Variants in BICC1 observed in about 807,000 individuals in gnomAD.
BICC1 encodes protein bicaudal C homolog 1.
Under a neutral mutation model 111.0 loss-of-function variants are expected in BICC1, and 43 were observed. The ratio of observed to expected loss-of-function variants is 0.39; its 90% confidence interval spans 0.30 to 0.50. BICC1 has a LOEUF of 0.50. Ranked by LOEUF, BICC1 falls within the 20% of genes least tolerant of loss-of-function variation. The pLI, the probability that BICC1 is intolerant of heterozygous loss-of-function variation, is 0.88. For synonymous variants in BICC1, 467 were observed against 434.4 expected, an observed-to-expected ratio of 1.07 and a Z score of -0.93; for missense variants, 1,091 against 1,203.2, an observed-to-expected ratio of 0.91 and a Z score of 1.38.
chr10:58,515,949 G>C (rs1231429931), intron 1 of BICC1, among the ~76,000 whole-genome samples: 2 of 152,138 alleles, frequency 1.3e-5, no homozygotes, highest in Non-Finnish European at 2.9e-5. Flanking sequence ...TTAATAAATA[G>C]TTGGGGAACA....
At chr10:58,660,495 A>G (rs562826311) in intron 2 of BICC1, among the ~76,000 whole-genome samples, 1 of 152,250 alleles carries the variant, frequency 6.6e-6, no homozygotes, top group East Asian at 1.9e-4. Context: ...TAAAAAAAAA[A>G]AAGAGTTCAT....
intron 3 of BICC1, among the ~76,000 whole-genome samples, chr10:58,771,122 T>G (rs1255688002): frequency 6.6e-6 from 1 of 152,178 alleles, no homozygotes; most frequent in African/African-American, 2.4e-5. Context: ...GTTGCCTGAC[T>G]TAGAGTGAGT....
At chr10:58,729,391 T>C (rs912408685) in intron 3 of BICC1, among the ~76,000 whole-genome samples, 17 of 152,352 alleles carry the variant, frequency 1.1e-4, no homozygotes, top group African/African-American at 4.1e-4. Flanking sequence ...CTCCAACTTT[T>C]CTTCTTTAGC....
intron 2 of BICC1, chr10:58,650,512 G>A (rs1174504530): frequency 6.6e-6 from 1 of 152,134 alleles, no homozygotes; most frequent in Non-Finnish European, 1.5e-5. Context: ...TCAACTGTTT[G>A]GACTATGTGA....
At chr10:58,586,573 C>T (rs1465476901) in intron 1 of BICC1, among the ~76,000 whole-genome samples, 3 of 150,614 alleles carry the variant, frequency 2.0e-5, no homozygotes, top group South Asian at 2.1e-4. Context: ...GGAGATTGTG[C>T]CACTACCCTC....
At chr10:58,704,276 G>A (rs1341498909) in intron 3 of BICC1, among the ~76,000 whole-genome samples, 1 of 152,144 alleles carries the variant, frequency 6.6e-6, no homozygotes, top group Non-Finnish European at 1.5e-5. Flanking sequence ...TTTATGAAGT[G>A]TTATGGATGT....
chr10:58,638,726 G>A (rs901364856), intron 2 of BICC1, among the ~76,000 whole-genome samples: 3 of 152,214 alleles, frequency 2.0e-5, no homozygotes, highest in African/African-American at 7.2e-5. Context: ...CCAATGAGGA[G>A]AAAGCAGGCA....
chr10:58,688,856 A>C (rs1839829814), intron 2 of BICC1, among the ~76,000 whole-genome samples: 1 of 152,112 alleles, frequency 6.6e-6, no homozygotes, highest in Non-Finnish European at 1.5e-5. Context: ...AGGGAGGAGA[A>C]CATCACACAC....
intron 1 of BICC1, among the ~76,000 whole-genome samples, chr10:58,602,665 A>G (rs932502883): frequency 1.3e-5 from 2 of 152,204 alleles, no homozygotes; most frequent in African/African-American, 2.4e-5. Context: ...TCATAAAAGT[A>G]GGTGTGTGAT....
chr10:58,636,197 A>G (rs1267101405), intron 2 of BICC1, among the ~76,000 whole-genome samples: 1 of 152,184 alleles, frequency 6.6e-6, no homozygotes, highest in Non-Finnish European at 1.5e-5. Context: ...TGTACAAAGG[A>G]GGATAAGACC....
intron 1 of BICC1, among the ~76,000 whole-genome samples, chr10:58,515,901 T>G: frequency 6.6e-6 from 1 of 152,198 alleles, no homozygotes; most frequent in East Asian, 1.9e-4. Context: ...TAAAAGGATT[T>G]CCAGTGCCTA....
At chr10:58,570,847 A>G (rs1051233593) in intron 1 of BICC1, among the ~76,000 whole-genome samples, 2 of 152,168 alleles carry the variant, frequency 1.3e-5, no homozygotes, top group Non-Finnish European at 2.9e-5. Context: ...CACAGCCTAA[A>G]CAGAAACAAA....
intron 1 of BICC1, among the ~76,000 whole-genome samples, chr10:58,616,108 G>A (rs1457543637): frequency 6.6e-6 from 1 of 152,142 alleles, no homozygotes; most frequent in Non-Finnish European, 1.5e-5. Flanking sequence ...TGGAGGCCAG[G>A]CTACAGAGCT....
intron 3 of BICC1, among the ~76,000 whole-genome samples, chr10:58,732,151 A>G (rs561418920): frequency 6.6e-6 from 1 of 151,614 alleles, no homozygotes; most frequent in East Asian, 2.0e-4. Context: ...AGGTGTGTGA[A>G]TCTTCCTTCT....
At chr10:58,539,769 T>C (rs1463406151) in intron 1 of BICC1, among the ~76,000 whole-genome samples, 1 of 151,936 alleles carries the variant, frequency 6.6e-6, no homozygotes, top group African/African-American at 2.4e-5. Context: ...TGAATAATGC[T>C]ATAGACCAAT....
At chr10:58,650,132 T>C (rs1445755478) in intron 2 of BICC1, 1 of 152,184 alleles carries the variant, frequency 6.6e-6, no homozygotes, top group Non-Finnish European at 1.5e-5. Flanking sequence ...AGAGATGATC[T>C]GCAGCCCTGA....
Position 58,787,095 on chromosome 10 carries a change from T to C in BICC1, c.546+14T>C. ...AAAAGCAACCAGGTGGTTTGTCTTTTCACATGAACTTTTATGGGATGAATT... is the reference window on the plus strand; with the variant it reads ...AAAAGCAACCAGGTGGTTTGTCTTTCCACATGAACTTTTATGGGATGAATT... On this transcript the variant is annotated intron_variant, in intron 5 of 20. Coordinates refer to ENST00000373886, the MANE Select transcript of BICC1 (RefSeq NM_001080512.3). 6.4e-7 allele frequency: 1 copy of C among 1,557,074 alleles called. No individual in the cohort carries two copies. The highest frequency in any genetic ancestry group is 8.6e-7 in the Non-Finnish European group (1 of 1,158,114).
At chr10:58,785,330 A>G (rs1052314520) in intron 4 of BICC1, among the ~76,000 whole-genome samples, 2 of 152,200 alleles carry the variant, frequency 1.3e-5, no homozygotes, top group Non-Finnish European at 1.5e-5. Context: ...ACATACATAT[A>G]TATGTATCGT....
At chr10:58,601,745 G>C (rs1845046742) in intron 1 of BICC1, among the ~76,000 whole-genome samples, 1 of 151,674 alleles carries the variant, frequency 6.6e-6, no homozygotes, top group Admixed American at 6.6e-5. Context: ...TGAATCTCAG[G>C]GTTATAATTA....
Sources: gnomAD v4.1 joint callset for allele counts (sites outside exome capture counted in the v4.1 genomes callset) on GRCh38, gnomAD v4.1.1 for gene constraint, MANE v1.5 for transcripts, NCBI Gene and HGNC (gene_info 2026-07-23, HGNC 2026-07-21) for gene names.